VWC2L: variants seen among roughly 807,000 people sequenced by gnomAD.
VWC2L encodes von Willebrand factor C domain containing 2 like.
A neutral mutation model predicts 21.6 loss-of-function variants in VWC2L; 10 were observed. The ratio of observed to expected loss-of-function variants is 0.46; its 90% CI spans 0.29 to 0.78. The LOEUF (loss-of-function observed/expected upper bound fraction) is 0.78. Among genes scored for constraint, VWC2L ranks in the 30% least tolerant of loss-of-function variants. The pLI, the probability that VWC2L is intolerant of heterozygous loss-of-function variation, is 0.10. For missense variants in VWC2L, 209 were observed against 277.1 expected (o/e 0.75, Z 1.74); for synonymous variants, 96 against 94.3 (o/e 1.02, Z -0.10).
chr2:214,569,777 A>T (rs568668033), intron 3 of VWC2L, among the ~76,000 whole-genome samples: 10 of 152,144 alleles, frequency 6.6e-5, no homozygotes, highest in African/African-American at 2.2e-4. Flanking sequence ...CTCTGCTACA[A>T]CCTTCCACAG....
rs1559299169 is a variant in VWC2L, at chr2:214,466,054, AG to A, written c.520+29297del. Among the ~76,000 whole-genome samples, 6 of 151,934 alleles carry A rather than the reference AG, an allele frequency of 3.9e-5. No individual in the cohort carries two copies. The South Asian group carries it at 1.3e-3, about 32-fold the overall frequency. The stretch of plus-strand genomic sequence containing the variant: ...TCAAAGCTGTCTTTCCTACCTCTTC[AG>A]TGTCTCTTTCCTTGATATGATGTTA... On this transcript the variant is annotated intron_variant, in intron 3 of 3. Coordinates refer to ENST00000312504, the MANE Select transcript of VWC2L (RefSeq NM_001080500.4).
chr2:214,450,925 A>G (rs1702944295), intron 3 of VWC2L, among the ~76,000 whole-genome samples: 1 of 152,176 alleles, frequency 6.6e-6, no homozygotes, highest in Non-Finnish European at 1.5e-5. Context: ...AGTCCTATAA[A>G]GGGGAAATAA....
intron 3 of VWC2L, among the ~76,000 whole-genome samples, chr2:214,464,177 G>A (rs1303420911): frequency 1.3e-5 from 2 of 151,992 alleles, no homozygotes; most frequent in African/African-American, 4.8e-5. Context: ...CATTTGTTGA[G>A]GTCATGTTAT....
At chr2:214,520,063 A>ACACACACACACG (rs1553598692) in intron 3 of VWC2L, among the ~76,000 whole-genome samples, 2 of 145,244 alleles carry the variant, frequency 1.4e-5, no homozygotes, top group Admixed American at 1.4e-4. Context: ...TGTTATACAC[A>ACACACACACACG]CACACACACA....
rs758030377 is a variant in VWC2L at position 214,577,511 on chromosome 2, G to T, written c.*1691G>T. On this transcript the variant is annotated 3_prime_UTR_variant, in exon 4 of 4. Transcript: ENST00000312504. ...TAATTTCACCTCGTTGAGAACCAGT[G>T]GTCTAGAATAATCAGTATAGAGTGG... 2 of 152,176 alleles carry T rather than the reference G, an allele frequency of 1.3e-5. No homozygotes were observed. Among genetic ancestry groups the T allele is most frequent in the Non-Finnish European group, 2.9e-5 (2 of 68,082 alleles). 9.4% of individuals were successfully genotyped at this position (152,176 alleles called of 1,614,324 possible). A position where few individuals can be genotyped will look rare whatever the true frequency, so the allele number is the denominator to read the frequency against.
At position 214,436,681 on chromosome 2, in the gene VWC2L, T is replaced by A; in HGVS notation, c.443T>A (p.Val148Asp). The A allele has an allele frequency of 6.2e-7, 1 of 1,613,488 alleles. No individual in the cohort carries two copies. Among genetic ancestry groups the A allele is most frequent in the South Asian group, 1.1e-5 (1 of 91,068 alleles). ...RCEPSNEVHC[V>D]VADCAVPECV... ...GAGCCCAGCAATGAAGTTCACTGTG[T>A]TGTAGCAGACTGCGCAGTTCCTGAG... is the stretch of plus-strand genomic sequence containing the variant. The change falls in exon 3 of 4, where the codon GTT becomes GAT. Residue 148 changes from valine to aspartate, a missense_variant. Physicochemically the swap from Val to Asp is radical, Grantham distance 152. Transcript: ENST00000312504.
chr2:214,552,140 A>C (rs1689804780), intron 3 of VWC2L, among the ~76,000 whole-genome samples: 2 of 152,122 alleles, frequency 1.3e-5, no homozygotes, highest in Non-Finnish European at 2.9e-5. Context: ...AGTTCCTGGA[A>C]CTCATTTTCT....
chr2:214,569,828 A>G (rs1690123658), intron 3 of VWC2L, among the ~76,000 whole-genome samples: 1 of 152,180 alleles, frequency 6.6e-6, no homozygotes, highest in African/African-American at 2.4e-5. Flanking sequence ...TTCAGGTTAT[A>G]TATTTACTCC....
intron 3 of VWC2L, among the ~76,000 whole-genome samples, chr2:214,475,599 C>T (rs1194583231): frequency 6.6e-6 from 1 of 152,058 alleles, no homozygotes; most frequent in African/African-American, 2.4e-5. Context: ...AAATAGAAGA[C>T]ATGACATCTG....
In VWC2L at chr2:214,433,184, T is replaced by A. The variant is rs564651220; in HGVS notation, c.391-3445T>A. On this transcript the variant is annotated intron_variant, in intron 2 of 3. Transcript: ENST00000312504. ...GATATATATATATATATATATATAT[T>A]ATATATAAATATATGTATAAACAAA... is the stretch of plus-strand genomic sequence containing the variant. Among the ~76,000 whole-genome samples, 24 of 112,264 alleles carry A rather than the reference T, an allele frequency of 2.1e-4. No individual in the cohort carries two copies. In the South Asian group the frequency reaches 4.1e-3, roughly 19 times the overall value. 73.6% of individuals were successfully genotyped at this position (112,264 alleles called of 152,430 possible).
chr2:214,543,327 A>G (rs890033832), intron 3 of VWC2L, among the ~76,000 whole-genome samples: 23 of 152,222 alleles, frequency 1.5e-4, no homozygotes, highest in African/African-American at 4.8e-5. Context: ...ATTTGGTTTA[A>G]TCATATAAAA....
intron 3 of VWC2L, among the ~76,000 whole-genome samples, chr2:214,437,813 G>A (rs1331069959): frequency 6.6e-6 from 1 of 151,990 alleles, no homozygotes; most frequent in Non-Finnish European, 1.5e-5. Flanking sequence ...TTTTTAAGTA[G>A]CTCTGGTTAT....
At chr2:214,573,269 G>A (rs999944407) in intron 3 of VWC2L, among the ~76,000 whole-genome samples, 13 of 151,686 alleles carry the variant, frequency 8.6e-5, no homozygotes, top group African/African-American at 1.7e-4. Flanking sequence ...ACACACATAC[G>A]CACGCTCACA....
At chr2:214,459,886 A>AT (rs1703113072) in intron 3 of VWC2L, among the ~76,000 whole-genome samples, 1 of 84,568 alleles carries the variant, frequency 1.2e-5, no homozygotes, top group Non-Finnish European at 2.5e-5. Context: ...TTCTAGAATT[A>AT]TTTCTTTTCC....
intron 3 of VWC2L, among the ~76,000 whole-genome samples, chr2:214,527,276 A>G (rs186011740): frequency 6.6e-6 from 1 of 152,184 alleles, no homozygotes; most frequent in Admixed American, 6.5e-5. Flanking sequence ...GGCAAGAGTC[A>G]AAACACTATC....
intron 3 of VWC2L, among the ~76,000 whole-genome samples, chr2:214,450,182 T>C (rs1434689970): frequency 6.6e-6 from 1 of 152,162 alleles, no homozygotes; most frequent in African/African-American, 2.4e-5. Flanking sequence ...CAGGAGGAAG[T>C]CTGCAGTGAA....
At chr2:214,433,257 A>G (rs1430292037) in intron 2 of VWC2L, among the ~76,000 whole-genome samples, 2 of 150,792 alleles carry the variant, frequency 1.3e-5, no homozygotes, top group South Asian at 2.1e-4. Flanking sequence ...ATGAAAAAGT[A>G]GTGAGTGAAT....
rs148245821 is a variant in VWC2L, at chr2:214,493,813, A to T, written c.520+57055A>T. Among the ~76,000 whole-genome samples the T allele has an allele frequency of 6.8e-3, 1,032 of 152,314 alleles. 11 individuals are homozygous for T. Among genetic ancestry groups the T allele is most frequent in the African/African-American group, 0.024 (983 of 41,574 alleles). ...GACTGAATAAGACTGTTGAGATGAC[A>T]AAGAGGTTATTGACAAAGGAGATGC... is the stretch of plus-strand genomic sequence containing the variant. On this transcript the variant is annotated intron_variant, in intron 3 of 3. Transcript: ENST00000312504.
intron 3 of VWC2L, among the ~76,000 whole-genome samples, chr2:214,530,256 A>T (rs11900830): frequency 0.53 from 80,136 of 151,970 alleles, 22,469 homozygotes; most frequent in East Asian, 0.74. Context: ...CACCACCGTT[A>T]CCACAGCATT....
Sources: allele counts gnomAD v4.1 joint callset (sites outside exome capture counted in the v4.1 genomes callset), GRCh38; gene constraint gnomAD v4.1.1; transcripts MANE v1.5; gene names NCBI Gene and HGNC (gene_info 2026-07-23, HGNC 2026-07-21).